EPM2A: variants seen among roughly 807,000 people sequenced by gnomAD.
EPM2A encodes the protein laforin.
Under a neutral mutation model 26.5 loss-of-function variants are expected in EPM2A, and 21 were observed. That is an observed-to-expected ratio of 0.79 (90% CI 0.56 to 1.14). EPM2A has a LOEUF of 1.14. EPM2A is among the 50% of genes most tolerant of loss of function. The pLI, the probability that EPM2A is intolerant of heterozygous loss-of-function variation, is 0.00. For synonymous variants in EPM2A, 217 were observed against 177.6 expected (o/e 1.22, Z -1.76); for missense variants, 458 against 440.8 (o/e 1.04, Z -0.35).
chr6:145,518,437 C>T (rs1403108100), intron 2 of EPM2A, among the ~76,000 whole-genome samples: 1 of 152,006 alleles, frequency 6.6e-6, no homozygotes, highest in Non-Finnish European at 1.5e-5. Context: ...ATTTCAACAT[C>T]AGCAGCAAGA....
At chr6:145,655,390 T>G (rs181131644) in intron 2 of EPM2A, among the ~76,000 whole-genome samples, 1 of 152,134 alleles carries the variant, frequency 6.6e-6, no homozygotes, top group African/African-American at 2.4e-5. Flanking sequence ...AAGAACTGTT[T>G]AGTAATTTTG....
At chr6:145,533,482 T>C (rs1464621248) in intron 2 of EPM2A, among the ~76,000 whole-genome samples, 1 of 152,218 alleles carries the variant, frequency 6.6e-6, no homozygotes, top group East Asian at 1.9e-4. Flanking sequence ...ATACTTCAGC[T>C]CTTTGCCAAG....
intron 4 of EPM2A, among the ~76,000 whole-genome samples, chr6:145,469,292 G>T (rs943592723): frequency 6.6e-6 from 1 of 151,966 alleles, no homozygotes; most frequent in Admixed American, 6.6e-5. Flanking sequence ...ACCACCACCT[G>T]GTCTCTCCCT....
At chr6:145,656,461 T>C (rs1299692266) in intron 2 of EPM2A, among the ~76,000 whole-genome samples, 1 of 152,184 alleles carries the variant, frequency 6.6e-6, no homozygotes, top group Non-Finnish European at 1.5e-5. Context: ...AACTAACATA[T>C]AGTCTTTCTA....
At chr6:145,571,695 T>C (rs1251140782) in intron 2 of EPM2A, among the ~76,000 whole-genome samples, 1 of 152,166 alleles carries the variant, frequency 6.6e-6, no homozygotes, top group African/African-American at 2.4e-5. Context: ...CACTCAGCAG[T>C]GGCCGTAGCC....
chr6:145,732,431 T>C (rs1776547547), intron 1 of EPM2A, among the ~76,000 whole-genome samples: 1 of 149,352 alleles, frequency 6.7e-6, no homozygotes, highest in South Asian at 2.1e-4. Context: ...TATATATATA[T>C]ATCAGAAAGC....
At chr6:145,428,076 T>G (rs1302976160) in intron 4 of EPM2A, among the ~76,000 whole-genome samples, 1,426 of 80,334 alleles carry the variant, frequency 0.018, 17 homozygotes, top group African/African-American at 0.08. Flanking sequence ...GTGTTGATAG[T>G]TTTTTTTTTT....
At chr6:145,408,261 G>C (rs1194392802) in intron 4 of EPM2A, among the ~76,000 whole-genome samples, 1 of 152,236 alleles carries the variant, frequency 6.6e-6, no homozygotes, top group Middle Eastern at 3.4e-3. Context: ...TCTTCATCCT[G>C]CTCTGTGTCC....
intron 4 of EPM2A, among the ~76,000 whole-genome samples, chr6:145,416,344 A>G (rs529819600): frequency 1.6e-4 from 25 of 152,048 alleles, no homozygotes; most frequent in African/African-American, 4.6e-4. Flanking sequence ...TTGATGCCCA[A>G]TCTCACAACT....
downstream of EPM2A, among the ~76,000 whole-genome samples, chr6:145,622,709 G>A (rs144342513): frequency 0.014 from 2,126 of 152,276 alleles, 23 homozygotes; most frequent in Non-Finnish European, 0.021. Context: ...TAGCGGCATG[G>A]AACACATTCT....
intron 2 of EPM2A, among the ~76,000 whole-genome samples, chr6:145,654,184 A>G (rs2128580956): frequency 7.3e-6 from 1 of 136,600 alleles, no homozygotes; most frequent in East Asian, 2.3e-4. Context: ...TTTTCTACAT[A>G]GACTATGCAA....
At chr6:145,541,336 A>ACG (rs1780508533) in intron 2 of EPM2A, among the ~76,000 whole-genome samples, 1 of 125,268 alleles carries the variant, frequency 8.0e-6, no homozygotes, top group Non-Finnish European at 1.8e-5. Context: ...GTGTATATAT[A>ACG]TGTGTGTGTG....
chr6:145,439,020 G>A (rs1779027643), intron 4 of EPM2A, among the ~76,000 whole-genome samples: 1 of 151,846 alleles, frequency 6.6e-6, no homozygotes. Flanking sequence ...CTCTCCATGT[G>A]TTCTCATCAT....
chr6:145,490,529 C>T, intron 4 of EPM2A: 1 of 716,380 alleles, frequency 1.4e-6, no homozygotes, highest in Non-Finnish European at 2.6e-6. Context: ...TACTGACATA[C>T]ATAAACTTTC....
intron 2 of EPM2A, among the ~76,000 whole-genome samples, chr6:145,554,464 A>ATAGATACATAGG (rs1562380416): frequency 3.3e-5 from 5 of 152,036 alleles, no homozygotes; most frequent in African/African-American, 1.2e-4. Context: ...AGATAGATAG[A>ATAGATACATAGG]TAGATACATA....
chr6:145,550,271 A>G lies in EPM2A; in HGVS notation c.341-47696T>C, dbSNP rs180729123. Among the ~76,000 whole-genome samples the G allele has an allele frequency of 2.0e-5, 3 of 152,132 alleles. No individual in the cohort carries two copies. In the East Asian group the frequency reaches 5.8e-4, roughly 30 times the overall value. ...AACCAGGGTCAGGGGATTAACTTGG[A>G]CCACAAGAGAGGAGACGAGAGGGCA... On this transcript the variant is annotated intron_variant, in intron 2 of 3. Transcript: ENST00000450221.
intron 1 of EPM2A, among the ~76,000 whole-genome samples, chr6:145,729,344 C>T (rs1039323082): frequency 3.3e-5 from 5 of 152,142 alleles, no homozygotes; most frequent in Non-Finnish European, 5.9e-5. Context: ...CAGCTTGCAC[C>T]GTGGGCCTGG....
At chr6:145,553,327 A>G (rs1435114738) in intron 2 of EPM2A, among the ~76,000 whole-genome samples, 1 of 152,162 alleles carries the variant, frequency 6.6e-6, no homozygotes, top group Non-Finnish European at 1.5e-5. Flanking sequence ...AGAATGGACT[A>G]ATACAACATC....
At chr6:145,581,740 T>C (rs997725614) in intron 2 of EPM2A, among the ~76,000 whole-genome samples, 3 of 152,218 alleles carry the variant, frequency 2.0e-5, no homozygotes, top group Non-Finnish European at 2.9e-5. Context: ...ATTTATTGAA[T>C]AGGGAGCCCT....
Sources: gnomAD v4.1 joint callset for allele counts (sites outside exome capture counted in the v4.1 genomes callset) on GRCh38, gnomAD v4.1.1 for gene constraint, MANE v1.5 for transcripts, NCBI Gene and HGNC (gene_info 2026-07-23, HGNC 2026-07-21) for gene names.